RNF121: variants seen among roughly 807,000 people sequenced by gnomAD.
RNF121 encodes the protein ring finger protein 121, also known as E3 ubiquitin ligase RNF121.
In RNF121, 21 loss-of-function variants were observed where a neutral mutation model predicts 46.5. That is an observed-to-expected ratio of 0.45 (90% confidence interval 0.32 to 0.65). RNF121 has a LOEUF of 0.65. RNF121 is among the 30% of genes least tolerant of loss of function. RNF121 has a pLI of 0.04. For missense variants in RNF121, 346 were observed against 416.0 expected, an observed-to-expected ratio of 0.83 and a Z score of 1.46; for synonymous variants, 139 against 144.7, an observed-to-expected ratio of 0.96 and a Z score of 0.28.
At chr11:71,951,656 A>C (rs1953885700) in intron 1 of RNF121, among the ~76,000 whole-genome samples, 1 of 151,074 alleles carries the variant, frequency 6.6e-6, no homozygotes, top group African/African-American at 2.4e-5. Flanking sequence ...AAAAAAAAAA[A>C]CCATGGACAA....
At chr11:71,933,653 A>G (rs534312896) in intron 1 of RNF121, among the ~76,000 whole-genome samples, 1 of 152,174 alleles carries the variant, frequency 6.6e-6, no homozygotes, top group East Asian at 1.9e-4. Flanking sequence ...ATGTTCCCTC[A>G]GCCCGCTTGT....
intron 6 of RNF121, among the ~76,000 whole-genome samples, chr11:71,991,680 A>C (rs1954864984): frequency 6.6e-6 from 1 of 152,194 alleles, no homozygotes; most frequent in African/African-American, 2.4e-5. Context: ...AAGAGCATTC[A>C]TAAGAGTCCT....
chr11:71,935,921 C>A (rs1437657575), intron 1 of RNF121, among the ~76,000 whole-genome samples: 1 of 142,726 alleles, frequency 7.0e-6, no homozygotes, highest in Non-Finnish European at 1.5e-5. Flanking sequence ...GACCTTGGCT[C>A]ACTGCAGCCT....
Position 71,995,490 on chromosome 11 carries a change from A to G in RNF121, c.802A>G (p.Lys268Glu). The G allele has an allele frequency of 1.3e-6, 2 of 1,594,274 alleles. No homozygotes were observed. Among genetic ancestry groups the G allele is most frequent in the Non-Finnish European group, 1.7e-6 (2 of 1,168,812 alleles). ...CATCCGTGGCTGGTGCATCGTGGGA[A>G]AGAAGCAAACGTGTCCCTACTGCAA... The part of the protein sequence containing the change: ...FCIRGWCIVG[K>E]KQTCPYCKEK... Residue 268 changes from lysine to glutamate, a missense_variant, in exon 8 of 9, where the codon AAG becomes GAG. Lys to Glu is a moderately conservative substitution (Grantham distance 56). Coordinates refer to ENST00000361756, the MANE Select transcript of RNF121 (RefSeq NM_018320.5).
intron 1 of RNF121, among the ~76,000 whole-genome samples, chr11:71,936,852 A>G (rs1953427001): frequency 6.6e-6 from 1 of 152,152 alleles, no homozygotes; most frequent in Non-Finnish European, 1.5e-5. Context: ...TATTTTTCTC[A>G]TCTTTGTACA....
Position 71,990,828 on chromosome 11 carries a change from A to G in RNF121, c.627+111A>G, listed in dbSNP as rs1264300592. 7 of 1,336,450 alleles carry G rather than the reference A, an allele frequency of 5.2e-6. No homozygotes were observed. In the Admixed American group the frequency reaches 1.1e-4, roughly 21 times the overall value. The allele number at this position is 1,336,450 out of a possible 1,614,324, so 82.8% of individuals were successfully genotyped here. On this transcript the variant is annotated intron_variant, in intron 6 of 8. Transcript: ENST00000361756. ...GCACTAGGGTGAGATAAGCCACATA[A>G]AATCCTTCAAGATGTGCATATGCAT...
In RNF121 at chr11:71,929,979, G is replaced by A. The variant is rs148670593; in HGVS notation, c.63+855G>A. Among the ~76,000 whole-genome samples the A allele has an allele frequency of 3.7e-4, 56 of 152,316 alleles. 1 individual carries two copies. The highest frequency in any genetic ancestry group is 1.3e-3 in the African/African-American group (52 of 41,562). On this transcript the variant is annotated intron_variant, in intron 1 of 8. Transcript: ENST00000361756. ...CTTCTGGATTTATGAGTTCCTTGAA[G>A]GTGAGCTCCTTGAGATTGTATGTTC...
At chr11:71,971,869 C>T (rs1954428422) in intron 3 of RNF121, among the ~76,000 whole-genome samples, 1 of 152,124 alleles carries the variant, frequency 6.6e-6, no homozygotes, top group African/African-American at 2.4e-5. Context: ...CATGGCATTG[C>T]TGAGTCAGCG....
intron 6 of RNF121, among the ~76,000 whole-genome samples, chr11:71,992,261 C>G (rs1375969929): frequency 6.6e-6 from 1 of 152,166 alleles, no homozygotes; most frequent in African/African-American, 2.4e-5. Context: ...ACTCTTATTC[C>G]TTGATTTAAC....
intron 3 of RNF121, among the ~76,000 whole-genome samples, chr11:71,964,518 G>A (rs902338168): frequency 1.3e-5 from 2 of 151,734 alleles, no homozygotes; most frequent in African/African-American, 4.9e-5. Context: ...GCCCATACTG[G>A]AATGCAGTGG....
At chr11:71,941,937 T>A (rs1417412327) in intron 1 of RNF121, among the ~76,000 whole-genome samples, 1 of 150,604 alleles carries the variant, frequency 6.6e-6, no homozygotes, top group Non-Finnish European at 1.5e-5. Context: ...AGAATTTTTT[T>A]TTTTTTTTTT....
chr11:71,929,880 A>T (rs964252388), intron 1 of RNF121, among the ~76,000 whole-genome samples: 1 of 152,232 alleles, frequency 6.6e-6, no homozygotes, highest in Non-Finnish European at 1.5e-5. Flanking sequence ...AGAAGTGTGC[A>T]ACATTTCAGC....
At chr11:71,932,577 C>T (rs1266220489) in intron 1 of RNF121, among the ~76,000 whole-genome samples, 1 of 152,150 alleles carries the variant, frequency 6.6e-6, no homozygotes, top group Non-Finnish European at 1.5e-5. Context: ...TTTTGAATCT[C>T]ACATTTGTGA....
intron 1 of RNF121, among the ~76,000 whole-genome samples, chr11:71,941,501 T>C (rs1369066749): frequency 1.3e-5 from 2 of 152,248 alleles, no homozygotes; most frequent in African/African-American, 4.8e-5. Flanking sequence ...AGGTCCTTGC[T>C]CATATTAGGT....
intron 1 of RNF121, among the ~76,000 whole-genome samples, chr11:71,932,965 G>T (rs1953309587): frequency 6.6e-6 from 1 of 152,166 alleles, no homozygotes; most frequent in Non-Finnish European, 1.5e-5. Context: ...AGCCAGCTCA[G>T]CTCAGGTATT....
intron 1 of RNF121, among the ~76,000 whole-genome samples, chr11:71,956,810 TCTC>T (rs144242447): frequency 0.033 from 5,063 of 152,284 alleles, 129 homozygotes; most frequent in Middle Eastern, 0.1. Context: ...ATAATTCACA[TCTC>T]CTCCATAAAG....
At chr11:71,948,397 C>A (rs1174498528) in intron 1 of RNF121, among the ~76,000 whole-genome samples, 1 of 151,280 alleles carries the variant, frequency 6.6e-6, no homozygotes, top group African/African-American at 2.4e-5. Flanking sequence ...CACTTGTAGC[C>A]CCACCTACTT....
At chr11:71,942,418 A>G (rs1354522938) in intron 1 of RNF121, among the ~76,000 whole-genome samples, 2 of 152,076 alleles carry the variant, frequency 1.3e-5, no homozygotes, top group Non-Finnish European at 2.9e-5. Flanking sequence ...GGGGTGTTTT[A>G]GTCCTTTTGG....
At chr11:71,994,136 A>G (rs537408857) in intron 6 of RNF121, among the ~76,000 whole-genome samples, 137 of 152,252 alleles carry the variant, frequency 9.0e-4, no homozygotes, top group African/African-American at 3.0e-3. Flanking sequence ...CACCGCGCCC[A>G]GCCTCCTCTT....
Sources: gnomAD v4.1 joint callset for allele counts (sites outside exome capture counted in the v4.1 genomes callset) on GRCh38, gnomAD v4.1.1 for gene constraint, MANE v1.5 for transcripts, NCBI Gene and HGNC (gene_info 2026-07-23, HGNC 2026-07-21) for gene names.